The following EIF3A variants were observed in gnomAD, a reference collection of about 807,000 sequenced individuals.
EIF3A encodes EIF3, p180 subunit.
A neutral mutation model predicts 186.6 loss-of-function variants in EIF3A; 21 were observed. The observed-to-expected ratio is 0.11, with a 90% CI of 0.08 to 0.16. EIF3A has a LOEUF of 0.16. EIF3A is among the 10% of genes least tolerant of loss of function. The pLI is 1.00. For missense variants in EIF3A, 1,306 were observed against 1,796.3 expected (o/e 0.73, Z 4.93); for synonymous variants, 563 against 584.3 (o/e 0.96, Z 0.52).
At chr10:119,061,003 C>A (rs770817856) in intron 8 of EIF3A, 159 bp from the exon 9 acceptor site, 7 of 602,970 alleles carry the variant, frequency 1.2e-5, no homozygotes, top group Admixed American at 3.5e-5. Flanking sequence ...AGGTGACTGG[C>A]AGCAATGGCT....
chr10:119,069,876 TAGAC>T (rs1448017462), intron 5 of EIF3A, among the ~76,000 whole-genome samples: 28 of 151,642 alleles, frequency 1.8e-4, no homozygotes, highest in African/African-American at 6.6e-4. Flanking sequence ...TAATGGGAAG[TAGAC>T]AGAGCAGACT....
chr10:119,075,288 CCT>C lies in EIF3A; in HGVS notation c.50-1353_50-1352del, dbSNP rs759723936. On this transcript the variant is annotated intron_variant, in intron 1 of 21. Transcript: ENST00000369144. ...TTATATTCTTTTGAATTTATTATCCCCTGAGCCCGAAGGCATTCTATGTGGTA... is the reference window on the plus strand; with the variant it reads ...TTATATTCTTTTGAATTTATTATCCCGAGCCCGAAGGCATTCTATGTGGTA... Among the ~76,000 whole-genome samples, 7 of 152,002 alleles carry C rather than the reference CCT, an allele frequency of 4.6e-5. 1 individual carries two copies. Among genetic ancestry groups the C allele is most frequent in the South Asian group, 4.1e-4 (2 of 4,832 alleles).
chr10:119,061,980 CA>C (rs1474957572), intron 7 of EIF3A, among the ~76,000 whole-genome samples: 1 of 152,020 alleles, frequency 6.6e-6, no homozygotes, highest in Non-Finnish European at 1.5e-5. Flanking sequence ...GAGTGGGTGA[CA>C]AAACTGAGGC....
chr10:119,064,837 A>T (rs1444663999), intron 7 of EIF3A, among the ~76,000 whole-genome samples: 1 of 152,092 alleles, frequency 6.6e-6, no homozygotes, highest in Non-Finnish European at 1.5e-5. Flanking sequence ...CCTCCTGCGT[A>T]GCTGGGATTA....
intron 1 of EIF3A, among the ~76,000 whole-genome samples, chr10:119,078,552 T>C (rs768620839): frequency 2.0e-5 from 3 of 152,086 alleles, no homozygotes; most frequent in Non-Finnish European, 2.9e-5. Flanking sequence ...CCCTGGACCA[T>C]CCACGATCTG....
chr10:119,059,114 C>T, intron 11 of EIF3A, 98 bp downstream of exon 11: 1 of 894,844 alleles, frequency 1.1e-6, no homozygotes, highest in Non-Finnish European at 1.8e-6. Flanking sequence ...TAAATCCCTT[C>T]TCTCAGATAT....
intron 4 of EIF3A, among the ~76,000 whole-genome samples, chr10:119,071,342 A>T (rs1460884797): frequency 6.6e-6 from 1 of 152,196 alleles, no homozygotes; most frequent in Non-Finnish European, 1.5e-5. Context: ...CAAATGGGAA[A>T]CTAGAATTTA....
chr10:119,041,391 A>G (rs1401655051), intron 19 of EIF3A, among the ~76,000 whole-genome samples: 2 of 151,982 alleles, frequency 1.3e-5, no homozygotes, highest in Admixed American at 1.3e-4. Flanking sequence ...TGGGCAACAT[A>G]GCGAAACCCC....
intron 1 of EIF3A, among the ~76,000 whole-genome samples, chr10:119,075,736 C>T (rs1258922097): frequency 1.8e-5 from 1 of 54,846 alleles, no homozygotes; most frequent in East Asian, 5.7e-4. Context: ...TTTTTTTGGA[C>T]AGAGTCTTGC....
intron 6 of EIF3A, among the ~76,000 whole-genome samples, chr10:119,065,977 G>A (rs1325167665): frequency 6.6e-6 from 1 of 152,008 alleles, no homozygotes; most frequent in Non-Finnish European, 1.5e-5. Context: ...TTAGCCAGGC[G>A]TAGTGGTGGG....
chr10:119,051,374 A>C, intron 14 of EIF3A, 53 bp from the exon 15 acceptor site: 1 of 1,489,716 alleles, frequency 6.7e-7, no homozygotes. Context: ...TTACTCATTA[A>C]CCCCAAATTA....
chr10:119,046,527 G>A (rs1241125338), intron 17 of EIF3A, among the ~76,000 whole-genome samples: 1 of 152,202 alleles, frequency 6.6e-6, no homozygotes, highest in Non-Finnish European at 1.5e-5. Flanking sequence ...AAGATAATGT[G>A]TAAATATCTA....
chr10:119,071,306 C>T (rs1045081100), intron 4 of EIF3A, among the ~76,000 whole-genome samples: 3 of 152,076 alleles, frequency 2.0e-5, no homozygotes, highest in African/African-American at 7.2e-5. Flanking sequence ...TTGCTTACAA[C>T]TAAAATGTGG....
chr10:119,045,663 G>T (rs897877497), intron 17 of EIF3A, among the ~76,000 whole-genome samples: 1 of 152,110 alleles, frequency 6.6e-6, no homozygotes, highest in African/African-American at 2.4e-5. Context: ...TGCCTCCTGG[G>T]CTCAAGCCAT....
At position 119,050,544 on chromosome 10, in the gene EIF3A, C is replaced by G. The variant is rs754149398; in HGVS notation, c.2450G>C (p.Arg817Thr). 1 of 1,614,026 alleles carries G rather than the reference C, an allele frequency of 6.2e-7. No individual in the cohort carries two copies. The highest frequency in any genetic ancestry group is 1.7e-5 in the Admixed American group (1 of 60,018). Residue 817 changes from arginine (R) to threonine (T), a missense_variant, in exon 16 of 22, where the codon AGG (arginine) becomes ACG (threonine). Physicochemically the swap from Arg to Thr is moderately conservative, Grantham distance 71. This residue lies in a region of EIF3A where 410 missense variants were observed against 473.5 expected (regional missense o/e 0.87). Coordinates refer to ENST00000369144, the MANE Select transcript of EIF3A (RefSeq NM_003750.4). The stretch of plus-strand genomic sequence containing the variant: ...ACCTTTTAGCATTTGTTCTTCTGCC[C>G]TTCTCTGCTCCTCCTCTTCTTTTTC... ...YREKEEEEQR[R>T]AEEQMLKERE...
Position 119,059,735 on chromosome 10 carries a change from G to C in EIF3A, c.1327-17C>G, listed in dbSNP as rs1843850681. ...CTGTGACACCTGCATAGAAAACAAA[G>C]GGTTAATAACACTAGCCACTGTTTA... On this transcript the variant is annotated splice_polypyrimidine_tract_variant and intron_variant, in intron 9 of 21. Transcript: ENST00000369144. The C allele has an allele frequency of 2.0e-6, 3 of 1,534,662 alleles. No homozygotes were observed. The highest frequency in any genetic ancestry group is 1.8e-6 in the Non-Finnish European group (2 of 1,107,718).
rs767476237 is a variant in EIF3A at position 119,044,040 on chromosome 10, T to G, written c.2747+14A>C. On this transcript the variant is annotated intron_variant, in intron 18 of 21. Transcript: ENST00000369144. The stretch of plus-strand genomic sequence containing the variant: ...AGGAACTGGAGCGGCATTATTTTCC[T>G]CAACTCTACTTACTTCTCTGGCGGG... 16 of 1,593,536 alleles carry G rather than the reference T, an allele frequency of 1.0e-5. No homozygotes were observed. The highest frequency in any genetic ancestry group is 1.3e-5 in the Non-Finnish European group (15 of 1,161,964).
chr10:119,042,530 G>C lies in EIF3A; in HGVS notation c.2990C>G (p.Pro997Arg). 1 of 1,614,004 alleles carries C rather than the reference G, an allele frequency of 6.2e-7. No homozygotes were observed. ...PSWRNTDDDR[P>R]PRRIADEDRG... ...GTCTTCATCGGCAATTCGTCTGGGAGGCCTGTCATCATCTGTGTTACGCCA... is the reference window on the plus strand; with the variant it reads ...GTCTTCATCGGCAATTCGTCTGGGACGCCTGTCATCATCTGTGTTACGCCA... Residue 997 changes from proline to arginine, a missense_variant, in exon 19 of 22, where the codon CCT (proline) becomes CGT (arginine). Physicochemically the swap from Pro to Arg is moderately radical, Grantham distance 103. Transcript: ENST00000369144. This position sits in a 1 kb window ranked among gnomAD's most constrained non-coding sequence, Gnocchi z 7.8.
rs1437872064 is a variant in EIF3A at position 119,041,925 on chromosome 10, A to G, written c.3526+69T>C. 5 of 1,469,042 alleles carry G rather than the reference A, an allele frequency of 3.4e-6. No homozygotes were observed. In the African/African-American group the frequency reaches 7.0e-5, roughly 20 times the overall value. 91.0% of individuals were successfully genotyped at this position (1,469,042 alleles called of 1,614,324 possible). ...TCTGGAAAATAACAATACAGCCCTG[A>G]TATTTATCCATCAGAATTTCACTTT... is the stretch of plus-strand genomic sequence containing the variant. On this transcript the variant is annotated intron_variant, in intron 19 of 21. Transcript: ENST00000369144.
Sources: allele counts gnomAD v4.1 joint callset (sites outside exome capture counted in the v4.1 genomes callset), GRCh38; gene constraint gnomAD v4.1.1; regional missense constraint gnomAD v4.1.1; non-coding constraint Gnocchi (gnomAD v3.1); transcripts MANE v1.5; gene names NCBI Gene and HGNC (gene_info 2026-07-23, HGNC 2026-07-21).